ADAMTSL2: variants seen among roughly 807,000 people sequenced by gnomAD.
The protein encoded by ADAMTSL2 is ADAMTS like 2, also known as ADAMTS-like protein 2.
A neutral mutation model predicts 117.0 loss-of-function variants in ADAMTSL2; 55 were observed. The observed-to-expected ratio is 0.47, with a 90% CI of 0.38 to 0.59. The LOEUF is 0.59. Ranked by LOEUF, ADAMTSL2 falls within the 20% of genes least tolerant of loss-of-function variation. The pLI, the probability that ADAMTSL2 is intolerant of heterozygous loss-of-function variation, is 0.00. For synonymous variants in ADAMTSL2, 572 were observed against 566.4 expected (o/e 1.01, Z -0.14); for missense variants, 1,182 against 1,354.5 (o/e 0.87, Z 2.00).
intron 7 of ADAMTSL2, among the ~76,000 whole-genome samples, chr9:133,541,628 C>T (rs890634951): frequency 6.6e-6 from 1 of 152,204 alleles, no homozygotes; most frequent in African/African-American, 2.4e-5. Context: ...AGGCCCAAGA[C>T]CCATTCTCTC....
At chr9:133,536,182 G>A (rs1416439772) in intron 1 of ADAMTSL2, among the ~76,000 whole-genome samples, 1 of 152,246 alleles carries the variant, frequency 6.6e-6, no homozygotes. Context: ...CCATCCCCAT[G>A]CACTGACCCT....
chr9:133,544,664 C>T lies in ADAMTSL2; in HGVS notation c.763+114C>T, dbSNP rs893033708. ...CCCTTCCTCCAGGACAGGGATGGAC[C>T]AGTGCTGTGGGCATGGCTGCAGGAG... On this transcript the variant is annotated intron_variant, in intron 8 of 18. Transcript: ENST00000651351. 5.9e-5 allele frequency: 56 copies of T among 942,562 alleles called. No homozygotes were observed. In the Admixed American group the frequency reaches 9.9e-4, roughly 17 times the overall value. The allele number at this position is 942,562 out of a possible 1,614,324, so 58.4% of individuals were successfully genotyped here. A position where few individuals can be genotyped will look rare whatever the true frequency, so the allele number is the denominator to read the frequency against.
Position 133,554,644 on chromosome 9 carries a change from G to A in ADAMTSL2, c.1227G>A (p.Gln409=). Reference sequence around the variant, plus strand: ...AGGAGACCAACGAGGTGTGCGAGCAGGCCGGCGGCGGGGCCTGCGAGGGGC... The same window carrying A: ...AGGAGACCAACGAGGTGTGCGAGCAAGCCGGCGGCGGGGCCTGCGAGGGGC... ...QGQETNEVCE[Q]AGGGACEGPP... is the part of the protein sequence containing the mutation. Residue 409 remains glutamine (Q), a synonymous_variant, in exon 10 of 19, where the codon CAG becomes CAA. Coordinates refer to ENST00000651351, the MANE Select transcript of ADAMTSL2 (RefSeq NM_014694.4). This position sits in a 1 kb window ranked among gnomAD's most constrained non-coding sequence, Gnocchi z 5.2. The A allele has an allele frequency of 6.5e-7, 1 of 1,529,470 alleles. No homozygotes were observed. The highest frequency in any genetic ancestry group is 8.8e-7 in the Non-Finnish European group (1 of 1,133,096). 94.7% of individuals were successfully genotyped at this position (1,529,470 alleles called of 1,614,324 possible).
At chr9:133,539,674 G>GCTGTCCCGGCTGTCCCGGCTGTCCCGA in intron 4 of ADAMTSL2, 97 bp from the exon 5 acceptor site, 2 of 1,270,246 alleles carry the variant, frequency 1.6e-6, no homozygotes, top group Middle Eastern at 1.9e-4. Context: ...GGCTGTCCCG[G>GCTGTCCCGGCTGTCCCGGCTGTCCCGA]CTGTCCCGGC....
rs1168640977 is a variant in ADAMTSL2 at position 133,544,533 on chromosome 9, A to G, written c.746A>G (p.Lys249Arg). ...GACATCCAGATTGTAGAGAGGAAGA[A>G]GTCCGCTGACGTGCTAGGTGGGTAC... ...ARDIQIVERK[K>R]SADVLALADE... The change falls in exon 8 of 19, where the codon AAG (lysine) becomes AGG (arginine). Residue 249 changes from lysine to arginine, a missense_variant. Lys to Arg is a conservative substitution (Grantham distance 26). Coordinates refer to ENST00000651351, the MANE Select transcript of ADAMTSL2 (RefSeq NM_014694.4). 2 of 1,614,166 alleles carry G rather than the reference A, an allele frequency of 1.2e-6. No homozygotes were observed. The highest frequency in any genetic ancestry group is 3.3e-5 in the Admixed American group (2 of 60,030).
Position 133,568,768 on chromosome 9 carries a change from G to C in ADAMTSL2, c.2244+10G>C, listed in dbSNP as rs1208641345. ...CTCCGACTGGGGACCGGTGAGGCCT[G>C]CACTGAGGGGTGGCTGGGCGTGCGG... On this transcript the variant is annotated intron_variant, in intron 15 of 18. Transcript: ENST00000651351. The C allele has an allele frequency of 6.2e-7, 1 of 1,612,806 alleles. No individual in the cohort carries two copies. Among genetic ancestry groups the C allele is most frequent in the Non-Finnish European group, 8.5e-7 (1 of 1,179,978 alleles).
chr9:133,561,318 G>A (rs1830723013), intron 12 of ADAMTSL2, 23 bp downstream of exon 12: 2 of 1,562,506 alleles, frequency 1.3e-6, no homozygotes, highest in Non-Finnish European at 1.7e-6. Flanking sequence ...GGTGCCAAGG[G>A]GCAGCAACTG....
Position 133,554,271 on chromosome 9 carries a change from A to G in ADAMTSL2, c.940-86A>G. The G allele has an allele frequency of 1.6e-6, 2 of 1,240,076 alleles. No homozygotes were observed. The highest frequency in any genetic ancestry group is 2.8e-5 in the South Asian group (2 of 70,466). 76.8% of individuals were successfully genotyped at this position (1,240,076 alleles called of 1,614,324 possible). A position where few individuals can be genotyped will look rare whatever the true frequency, so the allele number is the denominator to read the frequency against. ...AACTGCCAGTCACAGCAGGGAACGC[A>G]CCCTGCAGCTCTGTGGGAAGGGGAT... On this transcript the variant is annotated intron_variant, in intron 9 of 18. Transcript: ENST00000651351. This position sits in a 1 kb window ranked among gnomAD's most constrained non-coding sequence, Gnocchi z 5.2.
intron 12 of ADAMTSL2, among the ~76,000 whole-genome samples, chr9:133,564,606 G>GA (rs1830906348): frequency 4.1e-5 from 2 of 48,768 alleles, no homozygotes; most frequent in African/African-American, 9.5e-5. Flanking sequence ...GGGAGAGAGA[G>GA]GGAGAGAGAG....
At chr9:133,552,907 G>A (rs1411504964) in intron 9 of ADAMTSL2, among the ~76,000 whole-genome samples, 1 of 152,222 alleles carries the variant, frequency 6.6e-6, no homozygotes, top group East Asian at 1.9e-4. Flanking sequence ...TTCTTACCAA[G>A]GCGCTAACTT....
At position 133,575,068 on chromosome 9, in the gene ADAMTSL2, T is replaced by C. The variant is rs1831197699; in HGVS notation, c.*204T>C. ...GCAGAGCCTCCGGCACCCAGTGGCC[T>C]CCCCCAGACAGAGCCACCCCTGCCG... On this transcript the variant is annotated 3_prime_UTR_variant, in exon 19 of 19. Coordinates refer to ENST00000651351, the MANE Select transcript of ADAMTSL2 (RefSeq NM_014694.4). 8.5e-6 allele frequency: 5 copies of C among 589,874 alleles called. No individual in the cohort carries two copies. The highest frequency in any genetic ancestry group is 1.5e-5 in the Non-Finnish European group (5 of 329,902). The allele number at this position is 589,874 out of a possible 1,614,324, so 36.5% of individuals were successfully genotyped here.
upstream of ADAMTSL2, chr9:133,532,578 T>G (rs1829965592): frequency 6.6e-6 from 1 of 152,178 alleles, no homozygotes; most frequent in African/African-American, 2.4e-5. Flanking sequence ...CCGGTAGGTG[T>G]GGGCTGAGAC....
Position 133,536,593 on chromosome 9 carries a change from C to T in ADAMTSL2, c.-120C>T. 1 of 1,607,930 alleles carries T rather than the reference C, an allele frequency of 6.2e-7. No individual in the cohort carries two copies. The highest frequency in any genetic ancestry group is 1.1e-5 in the South Asian group (1 of 90,366). On this transcript the variant is annotated 5_prime_UTR_variant, in exon 2 of 19. Transcript: ENST00000651351. ...GCCAGACAACCACGACCAACTAGTC[C>T]CAGATAACCTTGAGGCCTGGGCACT...
intron 17 of ADAMTSL2, among the ~76,000 whole-genome samples, chr9:133,571,092 G>C (rs888344874): frequency 6.6e-6 from 1 of 152,124 alleles, no homozygotes; most frequent in South Asian, 2.1e-4. Context: ...CTGAGATCGC[G>C]GTTCTCTTTG....
chr9:133,543,883 G>T (rs954245601), intron 7 of ADAMTSL2, among the ~76,000 whole-genome samples: 11 of 152,170 alleles, frequency 7.2e-5, no homozygotes, highest in African/African-American at 2.2e-4. Flanking sequence ...GGCTGCCTCC[G>T]CACGGGCCTG....
intron 9 of ADAMTSL2, among the ~76,000 whole-genome samples, chr9:133,550,919 A>G (rs1830467719): frequency 6.6e-6 from 1 of 152,110 alleles, no homozygotes; most frequent in African/African-American, 2.4e-5. Context: ...AAATGAACAA[A>G]TGAAAGGAAG....
At chr9:133,542,814 T>C (rs745713132) in intron 7 of ADAMTSL2, among the ~76,000 whole-genome samples, 3 of 152,174 alleles carry the variant, frequency 2.0e-5, no homozygotes, top group African/African-American at 2.4e-5. Flanking sequence ...CTGGGGGCTG[T>C]GGGATGGGCT....
intron 13 of ADAMTSL2, 132 bp from the exon 14 acceptor site, chr9:133,568,141 T>C: frequency 1.1e-6 from 1 of 933,954 alleles, no homozygotes; most frequent in Middle Eastern, 3.1e-4. Flanking sequence ...CTGTCTGGCT[T>C]AGCTTGTTGT....
intron 9 of ADAMTSL2, among the ~76,000 whole-genome samples, chr9:133,553,647 C>T (rs1423777976): frequency 1.3e-5 from 2 of 152,308 alleles, no homozygotes; most frequent in East Asian, 1.9e-4. Flanking sequence ...CGTGGGCCCT[C>T]GTTGCCTCTG....
Sources: gnomAD v4.1 joint callset for allele counts (sites outside exome capture counted in the v4.1 genomes callset) on GRCh38, gnomAD v4.1.1 for gene constraint, Gnocchi (gnomAD v3.1) non-coding constraint, MANE v1.5 for transcripts, NCBI Gene and HGNC (gene_info 2026-07-23, HGNC 2026-07-21) for gene names.